Variants in PRR11 observed in about 807,000 individuals in gnomAD.
PRR11 encodes proline-rich protein 11.
Under a neutral mutation model 45.6 loss-of-function variants are expected in PRR11, and 30 were observed. That is an observed-to-expected ratio of 0.66 (90% CI 0.49 to 0.89). PRR11 has a LOEUF of 0.89. PRR11 is among the 40% of genes least tolerant of loss of function. The pLI is 0.00. For missense variants in PRR11, 373 were observed against 424.8 expected, an observed-to-expected ratio of 0.88 and a Z score of 1.07; for synonymous variants, 128 against 153.5, an observed-to-expected ratio of 0.83 and a Z score of 1.23.
intron 1 of PRR11, among the ~76,000 whole-genome samples, chr17:59,168,725 A>G (rs920508411): frequency 6.6e-6 from 1 of 152,078 alleles, no homozygotes; most frequent in Non-Finnish European, 1.5e-5. Flanking sequence ...TAAAACACTC[A>G]TGTCTTAGAT....
At chr17:59,158,657 A>AT (rs2046637485) in intron 1 of PRR11, among the ~76,000 whole-genome samples, 1 of 152,204 alleles carries the variant, frequency 6.6e-6, no homozygotes, top group Non-Finnish European at 1.5e-5. Flanking sequence ...ACTATTGTAA[A>AT]TTTTTTATTT....
intron 2 of PRR11, chr17:59,179,600 C>T: frequency 6.6e-7 from 1 of 1,509,388 alleles, no homozygotes; most frequent in Non-Finnish European, 9.0e-7. Context: ...GAAGTTTCCT[C>T]TTTTTTAAAA....
intron 5 of PRR11, among the ~76,000 whole-genome samples, chr17:59,194,306 A>ACAC (rs1159764728): frequency 9.3e-6 from 1 of 107,478 alleles, no homozygotes; most frequent in Non-Finnish European, 1.9e-5. Context: ...CACACACACA[A>ACAC]AACAAAACCT....
At chr17:59,188,611 A>G (rs1284284810) in intron 4 of PRR11, among the ~76,000 whole-genome samples, 2 of 152,134 alleles carry the variant, frequency 1.3e-5, no homozygotes, top group African/African-American at 4.8e-5. Flanking sequence ...AGAACACACC[A>G]TCAGTCCCCC....
At chr17:59,176,510 C>T (rs555890868) in intron 2 of PRR11, among the ~76,000 whole-genome samples, 1 of 151,952 alleles carries the variant, frequency 6.6e-6, no homozygotes, top group African/African-American at 2.4e-5. Context: ...AGGTCGATGG[C>T]GTTTGCAGTT....
At chr17:59,195,472 C>A in intron 7 of PRR11, 29 bp downstream of exon 7, 1 of 1,376,564 alleles carries the variant, frequency 7.3e-7, no homozygotes, top group Non-Finnish European at 1.0e-6. Flanking sequence ...CTATGCTCTA[C>A]TACTACTTAA....
intron 1 of PRR11, among the ~76,000 whole-genome samples, chr17:59,168,647 G>A (rs1275252724): frequency 6.6e-6 from 1 of 151,854 alleles, no homozygotes; most frequent in Non-Finnish European, 1.5e-5. Flanking sequence ...CCAAGATCAT[G>A]CCACTGCACT....
rs539764684 is a variant in PRR11, at chr17:59,203,137, C to A, written c.*1506C>A. ...GTTGTAAAGTCATCAGACTAGAAAG[C>A]AGACCTGGGGACAGTGTTTACCACC... On this transcript the variant is annotated 3_prime_UTR_variant, in exon 10 of 10. Coordinates refer to ENST00000262293, the MANE Select transcript of PRR11 (RefSeq NM_018304.4). Among the ~76,000 whole-genome samples the A allele has an allele frequency of 7.2e-5, 11 of 152,322 alleles. No homozygotes were observed. The East Asian group carries it at 1.7e-3, about 24-fold the overall frequency.
At chr17:59,195,266 G>T (rs2046860189) in intron 6 of PRR11, 65 bp from the exon 7 acceptor site, 4 of 1,283,198 alleles carry the variant, frequency 3.1e-6, no homozygotes, top group Non-Finnish European at 3.4e-6. Context: ...TGCCGTTTTT[G>T]CATGTTTACA....
chr17:59,194,843 T>G lies in PRR11; in HGVS notation c.732T>G (p.Asp244Glu). 6.2e-7 allele frequency: 1 copy of G among 1,612,630 alleles called. No homozygotes were observed. The highest frequency in any genetic ancestry group is 1.7e-4 in the Middle Eastern group (1 of 6,056). The change falls in exon 6 of 10, where the codon GAT (aspartate) becomes GAG (glutamate). Residue 244 changes from aspartate to glutamate, a missense_variant. Transcript: ENST00000262293. ...AATTAAAGAAGACACAGAGTTTAGA[T>G]GAAAAGAGGAAGGTAAGATGTCATT... The part of the protein sequence containing the change: ...TVKLKKTQSL[D>E]EKRKLIPSPK...
In PRR11 at chr17:59,205,663, C is replaced by T. The variant is rs2461609; in HGVS notation, c.*4032C>T. ...GCAGTGAGCCGAGATCGCCCCATTG[C>T]ACTCCAGCTTGAGCAACAAGAGCGA... On this transcript the variant is annotated 3_prime_UTR_variant, in exon 10 of 10. Coordinates refer to ENST00000262293, the MANE Select transcript of PRR11 (RefSeq NM_018304.4). 9.3e-5 allele frequency among the ~76,000 whole-genome samples: 14 copies of T among 151,318 alleles called. No homozygotes were observed. Among genetic ancestry groups the T allele is most frequent in the East Asian group, 5.8e-4 (3 of 5,148 alleles).
Position 59,169,765 on chromosome 17 carries a change from A to C in PRR11, c.13A>C (p.Lys5Gln), listed in dbSNP as rs772279880. Residue 5 changes from lysine (K) to glutamine (Q), a missense_variant, in exon 2 of 10, where the codon AAA (lysine) becomes CAA (glutamine). Transcript: ENST00000262293. Reference sequence around the variant, plus strand: ...CTCTGCAGAAATCATGCCCAAGTTCAAACAACGAAGACGAAAGCTAAAAGC... The same window carrying C: ...CTCTGCAGAAATCATGCCCAAGTTCCAACAACGAAGACGAAAGCTAAAAGC... MPKF[K>Q]QRRRKLKAKA... 5.3e-5 allele frequency: 85 copies of C among 1,592,044 alleles called. No individual in the cohort carries two copies. Among genetic ancestry groups the C allele is most frequent in the Middle Eastern group, 3.4e-4 (2 of 5,960 alleles).
Position 59,193,634 on chromosome 17 carries a change from GC to G in PRR11, c.547del (p.His183IlefsTer18). ...CCTCCCACACTGCCACAGCCAGCCA[GC>G]CATTTTCCTCCTCCTCCTCCACCTC... is the stretch of plus-strand genomic sequence containing the variant. ...VLPPTLPQPA[S>X]HFPPPPPPPP... On this transcript the variant is annotated frameshift_variant, in exon 5 of 10. Coordinates refer to ENST00000262293, the MANE Select transcript of PRR11 (RefSeq NM_018304.4). LOFTEE classifies it high-confidence loss of function. The G allele has an allele frequency of 6.2e-7, 1 of 1,614,036 alleles. No homozygotes were observed.
chr17:59,191,766 T>C (rs2041320098), intron 4 of PRR11, among the ~76,000 whole-genome samples: 1 of 152,072 alleles, frequency 6.6e-6, no homozygotes, highest in South Asian at 2.1e-4. Context: ...CAGGAAAATA[T>C]CCACTCCAAA....
intron 5 of PRR11, 134 bp from the exon 6 acceptor site, chr17:59,194,623 A>G (rs1166491498): frequency 2.8e-5 from 15 of 539,604 alleles, no homozygotes; most frequent in Non-Finnish European, 4.2e-5. Flanking sequence ...GGTTGAGTAG[A>G]AAGAATATGA....
intron 2 of PRR11, among the ~76,000 whole-genome samples, chr17:59,176,684 C>CTTTTTTTTTTT (rs71367676): frequency 2.6e-5 from 1 of 39,000 alleles, no homozygotes; most frequent in African/African-American, 1.2e-4. Context: ...GTTTTTTTGG[C>CTTTTTTTTTTT]TTTTTTTTTT....
intron 2 of PRR11, chr17:59,178,349 CTG>C (rs2046760702): frequency 2.4e-6 from 1 of 418,200 alleles, no homozygotes; most frequent in Non-Finnish European, 4.6e-6. Context: ...GAAAAGAAGA[CTG>C]TGGGAGCATC....
chr17:59,197,998 C>G (rs1304609819), intron 9 of PRR11: 2 of 525,452 alleles, frequency 3.8e-6, no homozygotes, highest in Non-Finnish European at 6.8e-6. Context: ...GCCTGTAGTT[C>G]CAGCTACTTG....
chr17:59,179,733 G>A lies in PRR11; in HGVS notation c.129-5321G>A, dbSNP rs1056810353. On this transcript the variant is annotated intron_variant, in intron 2 of 9. Coordinates refer to ENST00000262293, the MANE Select transcript of PRR11 (RefSeq NM_018304.4). ...TTCAGCTTCATCTTGAGCCCACACA[G>A]CGTCTCCGCCACCCAGGTCTCCTCA... is the stretch of plus-strand genomic sequence containing the variant. 24 of 1,413,392 alleles carry A rather than the reference G, an allele frequency of 1.7e-5. No homozygotes were observed. In the African/African-American group the frequency reaches 3.4e-4, roughly 20 times the overall value. 87.6% of individuals were successfully genotyped at this position (1,413,392 alleles called of 1,614,324 possible). A position where few individuals can be genotyped will look rare whatever the true frequency, so the allele number is the denominator to read the frequency against.
Sources: allele counts gnomAD v4.1 joint callset (sites outside exome capture counted in the v4.1 genomes callset), GRCh38; gene constraint gnomAD v4.1.1; transcripts MANE v1.5; gene names NCBI Gene and HGNC (gene_info 2026-07-23, HGNC 2026-07-21).